Variants in ALS2 observed in about 807,000 individuals in gnomAD.
The protein encoded by ALS2 is alsin Rho guanine nucleotide exchange factor ALS2.
A neutral mutation model predicts 203.4 loss-of-function variants in ALS2; 117 were observed. That is an observed-to-expected ratio of 0.58 (90% confidence interval 0.50 to 0.67). The LOEUF (loss-of-function observed/expected upper bound fraction) is 0.67. Ranked by LOEUF, ALS2 falls within the 30% of genes least tolerant of loss-of-function variation. ALS2 has a pLI of 0.00. For synonymous variants in ALS2, 718 were observed against 725.9 expected (o/e 0.99, Z 0.17); for missense variants, 1,715 against 1,989.4 (o/e 0.86, Z 2.62).
intron 4 of ALS2, chr2:201,760,050 T>G (rs1693661007): frequency 1.0e-6 from 1 of 966,004 alleles, no homozygotes; most frequent in Admixed American, 6.2e-5. Context: ...AGGCTGGGCA[T>G]GATGGCTCAT....
chr2:201,728,391 C>A (rs190871893), intron 15 of ALS2, 121 bp downstream of exon 15: 1 of 1,388,360 alleles, frequency 7.2e-7, no homozygotes, highest in African/African-American at 1.4e-5. Flanking sequence ...TGATGGCTAG[C>A]CTCTTTTAGT....
intron 20 of ALS2, 56 bp downstream of exon 20, chr2:201,725,300 G>A: frequency 1.4e-6 from 2 of 1,445,902 alleles, no homozygotes; most frequent in South Asian, 2.3e-5. Flanking sequence ...CAAACATTCA[G>A]GTTTACATGG....
At chr2:201,741,634 C>G (rs1384749501) in intron 11 of ALS2, 40 bp downstream of exon 11, 1 of 1,594,044 alleles carries the variant, frequency 6.3e-7, no homozygotes, top group Admixed American at 1.7e-5. Flanking sequence ...GGCAGAATAA[C>G]CCTGCAGAGA....
chr2:201,747,011 T>C (rs1358296962), intron 8 of ALS2, among the ~76,000 whole-genome samples: 1 of 152,206 alleles, frequency 6.6e-6, no homozygotes, highest in African/African-American at 2.4e-5. Context: ...ACCACACATC[T>C]AATTTTTTAT....
At chr2:201,736,889 AC>A (rs756004305) in intron 12 of ALS2, among the ~76,000 whole-genome samples, 28 of 152,148 alleles carry the variant, frequency 1.8e-4, no homozygotes, top group Non-Finnish European at 3.7e-4. Flanking sequence ...AGAAATAAAG[AC>A]CTGAACATAC....
chr2:201,760,432 A>C (rs1693688843), intron 4 of ALS2: 1 of 990,306 alleles, frequency 1.0e-6, no homozygotes, highest in South Asian at 4.6e-5. Flanking sequence ...AAATCTGCCT[A>C]CAATTGAAGG....
At chr2:201,735,210 G>A (rs1256652521) in intron 12 of ALS2, among the ~76,000 whole-genome samples, 1 of 152,054 alleles carries the variant, frequency 6.6e-6, no homozygotes, top group Non-Finnish European at 1.5e-5. Flanking sequence ...CAGGCAGGCA[G>A]GGGGAGACAG....
chr2:201,760,291 A>G, intron 4 of ALS2: 1 of 955,614 alleles, frequency 1.0e-6, no homozygotes. Context: ...AGCCTGGGTG[A>G]CAGAGCAAGA....
At chr2:201,704,090 A>G (rs781096143) in intron 33 of ALS2, 32 bp downstream of exon 33, 1 of 1,545,084 alleles carries the variant, frequency 6.5e-7, no homozygotes, top group Non-Finnish European at 8.9e-7. Flanking sequence ...AGATATGAAG[A>G]TAAGAAAGTA....
intron 12 of ALS2, among the ~76,000 whole-genome samples, chr2:201,735,679 A>G (rs1374512748): frequency 6.6e-6 from 1 of 152,252 alleles, no homozygotes. Context: ...GCAAAAGGCA[A>G]GAGGCTTTCA....
intron 10 of ALS2, 34 bp downstream of exon 10, chr2:201,744,224 G>A (rs765000523): frequency 6.3e-7 from 1 of 1,594,316 alleles, no homozygotes; most frequent in East Asian, 2.2e-5. Context: ...AGACCTGATG[G>A]TTTAATGGTG....
chr2:201,745,704 T>C (rs1335245756), intron 9 of ALS2, among the ~76,000 whole-genome samples: 1 of 152,214 alleles, frequency 6.6e-6, no homozygotes, highest in East Asian at 1.9e-4. Flanking sequence ...ATCCTAGCAT[T>C]TCAGGAGGCT....
In ALS2 at chr2:201,728,583, A is replaced by G; in HGVS notation, c.2770T>C (p.Ser924Pro). ...GAAAACCTCCCAGCATGCTGCAGAG[A>G]CAGGGCTCGGTTACTACTCTCACAC... is the stretch of plus-strand genomic sequence containing the variant. ...LLCESSNRAL[S>P]LQHAGRFSVN... is the part of the protein sequence containing the mutation. The change falls in exon 15 of 34, where the codon TCT (serine) becomes CCT (proline). Residue 924 changes from serine to proline, a missense_variant. Coordinates refer to ENST00000264276, the MANE Select transcript of ALS2 (RefSeq NM_020919.4). The G allele has an allele frequency of 1.9e-6, 3 of 1,614,184 alleles. No individual in the cohort carries two copies. Among genetic ancestry groups the G allele is most frequent in the Non-Finnish European group, 2.5e-6 (3 of 1,180,020 alleles).
intron 19 of ALS2, among the ~76,000 whole-genome samples, chr2:201,725,697 C>A (rs1305631564): frequency 2.0e-5 from 3 of 152,180 alleles, no homozygotes; most frequent in African/African-American, 7.2e-5. Flanking sequence ...CAGTGAAAAA[C>A]AGAAGACCTG....
intron 3 of ALS2, among the ~76,000 whole-genome samples, chr2:201,766,858 C>T (rs963870835): frequency 1.4e-5 from 2 of 147,568 alleles, no homozygotes; most frequent in African/African-American, 2.5e-5. Context: ...AAACAAACAC[C>T]GCATGTTCTC....
rs955951840 is a variant in ALS2, at chr2:201,780,585, G to C, written c.-61+292C>G. Among the ~76,000 whole-genome samples the C allele has an allele frequency of 5.4e-4, 82 of 152,226 alleles. 1 individual carries two copies. Among genetic ancestry groups the C allele is most frequent in the Non-Finnish European group, 1.0e-3 (70 of 68,038 alleles). On this transcript the variant is annotated intron_variant, in intron 1 of 33. Coordinates refer to ENST00000264276, the MANE Select transcript of ALS2 (RefSeq NM_020919.4). ...AGGGGGCTTGAAGGAATTTCACGCAGCTGAGACCACTGCAGCGGCGCCCAG... is the reference window on the plus strand; with the variant it reads ...AGGGGGCTTGAAGGAATTTCACGCACCTGAGACCACTGCAGCGGCGCCCAG...
intron 8 of ALS2, among the ~76,000 whole-genome samples, chr2:201,747,408 G>A (rs1468035300): frequency 6.6e-6 from 1 of 151,434 alleles, no homozygotes; most frequent in African/African-American, 2.4e-5. Flanking sequence ...AAATTCCCAG[G>A]CCCCAGAGCT....
intron 4 of ALS2, chr2:201,759,918 CT>C: frequency 1.0e-6 from 1 of 985,080 alleles, no homozygotes; most frequent in Middle Eastern, 5.2e-4. Context: ...AGAAATAATC[CT>C]TTTAAAACAA....
chr2:201,769,023 T>C, intron 1 of ALS2, 78 bp from the exon 2 acceptor site: 1 of 668,010 alleles, frequency 1.5e-6, no homozygotes, highest in Non-Finnish European at 2.5e-6. Flanking sequence ...AAAGCAGCCC[T>C]CTAACAAGTG....
Sources: allele counts gnomAD v4.1 joint callset (sites outside exome capture counted in the v4.1 genomes callset), GRCh38; gene constraint gnomAD v4.1.1; transcripts MANE v1.5; gene names NCBI Gene and HGNC (gene_info 2026-07-23, HGNC 2026-07-21).